Variants in SORL1 observed in about 807,000 individuals in gnomAD.
SORL1 encodes the protein sortilin-related receptor.
SORL1 carries 127 observed loss-of-function variants against 273.7 expected under a neutral mutation model. The ratio of observed to expected loss-of-function variants is 0.46; its 90% CI spans 0.40 to 0.54. The LOEUF is 0.54. Ranked by LOEUF, SORL1 falls within the 20% of genes least tolerant of loss-of-function variation. The pLI is 0.00. For missense variants in SORL1, 2,494 were observed against 2,846.1 expected, an observed-to-expected ratio of 0.88 and a Z score of 2.81; for synonymous variants, 1,031 against 1,067.4, an observed-to-expected ratio of 0.97 and a Z score of 0.66.
intron 25 of SORL1, among the ~76,000 whole-genome samples, chr11:121,583,006 C>G (rs1863035005): frequency 6.6e-6 from 1 of 152,222 alleles, no homozygotes; most frequent in African/African-American, 2.4e-5. Flanking sequence ...CTCCTTATTT[C>G]TCAGCATCTG....
At chr11:121,519,190 C>T (rs1861998064) in intron 8 of SORL1, among the ~76,000 whole-genome samples, 1 of 152,038 alleles carries the variant, frequency 6.6e-6, no homozygotes, top group Non-Finnish European at 1.5e-5. Flanking sequence ...TTGTGATCTG[C>T]CCCCTTCAGC....
chr11:121,622,124 A>G, intron 44 of SORL1, 38 bp from the exon 45 acceptor site: 1 of 1,105,414 alleles, frequency 9.0e-7, no homozygotes, highest in Non-Finnish European at 1.4e-6. Context: ...TCAAATGTAT[A>G]TCCACTAACC....
At position 121,478,743 on chromosome 11, in the gene SORL1, C is replaced by T. The variant is rs566670751; in HGVS notation, c.528+500C>T. On this transcript the variant is annotated intron_variant, in intron 3 of 47. Transcript: ENST00000260197. ...GTGCATGTGGGTAACTGTGTGTGTG[C>T]TTGTGTGCGTGTGAGTACTTGTGTG... is the stretch of plus-strand genomic sequence containing the variant. Among the ~76,000 whole-genome samples the T allele has an allele frequency of 4.2e-4, 62 of 147,726 alleles. 1 individual carries two copies. Among genetic ancestry groups the T allele is most frequent in the African/African-American group, 1.5e-3 (60 of 39,808 alleles).
chr11:121,612,229 C>A (rs1784931), intron 39 of SORL1: 64,946 of 152,380 alleles, frequency 0.43, 17,348 homozygotes, highest in Non-Finnish European at 0.61. Flanking sequence ...TATTTTTGTT[C>A]GTTGTCCCAT....
intron 32 of SORL1, among the ~76,000 whole-genome samples, chr11:121,597,816 T>G (rs1863321815): frequency 6.6e-6 from 1 of 152,100 alleles, no homozygotes; most frequent in Non-Finnish European, 1.5e-5. Context: ...TCCTACAGTG[T>G]GGTGTAGGCA....
chr11:121,484,481 G>A (rs1260434437), intron 3 of SORL1, among the ~76,000 whole-genome samples: 1 of 152,046 alleles, frequency 6.6e-6, no homozygotes, highest in Non-Finnish European at 1.5e-5. Context: ...AAACAGGTTT[G>A]GTGGCTGATA....
chr11:121,564,693 C>A (rs891268564), intron 21 of SORL1, among the ~76,000 whole-genome samples: 2 of 152,076 alleles, frequency 1.3e-5, no homozygotes, highest in African/African-American at 4.8e-5. Context: ...CTTCCCACTT[C>A]AGCCTCTGAA....
At chr11:121,469,054 T>A (rs1861131547) in intron 1 of SORL1, among the ~76,000 whole-genome samples, 2 of 152,166 alleles carry the variant, frequency 1.3e-5, no homozygotes, top group Non-Finnish European at 2.9e-5. Flanking sequence ...TTATGAGAAG[T>A]TCAGGATGAG....
At chr11:121,459,947 C>T in intron 1 of SORL1, among the ~76,000 whole-genome samples, 1 of 152,196 alleles carries the variant, frequency 6.6e-6, no homozygotes, top group East Asian at 1.9e-4. Flanking sequence ...GCTGCAGGCT[C>T]TTAGCTTGGA....
intron 1 of SORL1, among the ~76,000 whole-genome samples, chr11:121,460,817 G>T (rs189803127): frequency 6.6e-6 from 1 of 152,262 alleles, no homozygotes; most frequent in Non-Finnish European, 1.5e-5. Context: ...GACTGTGGCT[G>T]GGAAGACTTT....
chr11:121,618,223 A>G (rs1178622032), intron 41 of SORL1, among the ~76,000 whole-genome samples: 1 of 152,124 alleles, frequency 6.6e-6, no homozygotes, highest in Non-Finnish European at 1.5e-5. Flanking sequence ...GCAATTCTCA[A>G]TCAGAACCAG....
At chr11:121,617,022 A>G (rs893996056) in intron 41 of SORL1, among the ~76,000 whole-genome samples, 3 of 152,200 alleles carry the variant, frequency 2.0e-5, no homozygotes, top group Admixed American at 1.3e-4. Context: ...CTGGTTGTCA[A>G]TTGGTTGAGT....
chr11:121,548,244 T>A (rs1222701681), intron 14 of SORL1, among the ~76,000 whole-genome samples: 2 of 152,206 alleles, frequency 1.3e-5, no homozygotes, highest in African/African-American at 2.4e-5. Context: ...GTCTTGGGCC[T>A]CCCAAGTACT....
chr11:121,565,443 A>G (rs758508051), intron 21 of SORL1, among the ~76,000 whole-genome samples: 17 of 152,232 alleles, frequency 1.1e-4, no homozygotes, highest in African/African-American at 3.1e-4. Context: ...TATATTATCC[A>G]TATCGACACT....
rs201689464 is a variant in SORL1, at chr11:121,550,117, G to C, written c.2180+29G>C. 226 of 1,604,876 alleles carry C rather than the reference G, an allele frequency of 1.4e-4. No individual in the cohort carries two copies. Among genetic ancestry groups the C allele is most frequent in the Admixed American group, 1.9e-4 (11 of 58,640 alleles). Reference sequence around the variant, plus strand: ...TGTATCACAGAGGTTGCCCTGTCAGGTTCTCAGCGGTCCGCACATGGAGCG... The same window carrying C: ...TGTATCACAGAGGTTGCCCTGTCAGCTTCTCAGCGGTCCGCACATGGAGCG... On this transcript the variant is annotated intron_variant, in intron 15 of 47. Coordinates refer to ENST00000260197, the MANE Select transcript of SORL1 (RefSeq NM_003105.6). This position sits in a 1 kb window ranked among gnomAD's most constrained non-coding sequence, Gnocchi z 5.3.
chr11:121,470,352 A>G (rs1489746111), intron 2 of SORL1, among the ~76,000 whole-genome samples: 2 of 152,224 alleles, frequency 1.3e-5, no homozygotes, highest in African/African-American at 4.8e-5. Flanking sequence ...ACCTTTGGGA[A>G]GTAATAGCAT....
intron 8 of SORL1, among the ~76,000 whole-genome samples, chr11:121,517,357 G>C (rs528196319): frequency 5.1e-4 from 78 of 152,234 alleles, no homozygotes; most frequent in African/African-American, 1.7e-3. Flanking sequence ...TTCTGTGTCT[G>C]GCTTCTTTCA....
intron 14 of SORL1, among the ~76,000 whole-genome samples, chr11:121,547,747 C>G (rs1434673798): frequency 1.3e-5 from 2 of 152,140 alleles, no homozygotes; most frequent in South Asian, 2.1e-4. Context: ...GCTGTAGCTG[C>G]TGGAAGGCAG....
intron 2 of SORL1, among the ~76,000 whole-genome samples, chr11:121,474,316 TG>T (rs1861224100): frequency 7.0e-6 from 1 of 143,700 alleles, no homozygotes. Context: ...ACCAGTGTCT[TG>T]CCGGGGCCAG....
Sources: gnomAD v4.1 joint callset for allele counts (sites outside exome capture counted in the v4.1 genomes callset) on GRCh38, gnomAD v4.1.1 for gene constraint, Gnocchi (gnomAD v3.1) non-coding constraint, MANE v1.5 for transcripts, NCBI Gene and HGNC (gene_info 2026-07-23, HGNC 2026-07-21) for gene names.